The following EPC2 variants were observed in gnomAD, a reference collection of about 807,000 sequenced individuals.
The protein encoded by EPC2 is enhancer of polycomb 2.
A neutral mutation model predicts 92.1 loss-of-function variants in EPC2; 14 were observed. The ratio of observed to expected loss-of-function variants is 0.15; its 90% confidence interval spans 0.10 to 0.24. The LOEUF is 0.24. Ranked by LOEUF, EPC2 falls within the 10% of genes least tolerant of loss-of-function variation. EPC2 has a pLI of 1.00. For missense variants in EPC2, 755 were observed against 971.5 expected (o/e 0.78, Z 2.96); for synonymous variants, 340 against 334.7 (o/e 1.02, Z -0.17).
chr2:148,721,890 C>CTTTTT lies in EPC2; in HGVS notation c.314-21719_314-21715dup. Among the ~76,000 whole-genome samples, 238 of 60,746 alleles carry CTTTTT rather than the reference C, an allele frequency of 3.9e-3. 14 individuals are homozygous for CTTTTT. The highest frequency in any genetic ancestry group is 0.039 in the East Asian group (56 of 1,440). 39.9% of individuals were successfully genotyped at this position (60,746 alleles called of 152,430 possible). A position where few individuals can be genotyped will look rare whatever the true frequency, so the allele number is the denominator to read the frequency against. On this transcript the variant is annotated intron_variant, in intron 2 of 13. Coordinates refer to ENST00000258484, the MANE Select transcript of EPC2 (RefSeq NM_015630.4). ...TTTGTTTCTTTTTCTGTTTTGATTT[C>CTTTTT]TTTTTTTTTTTTTTTTTCAGAATTC...
At chr2:148,732,744 C>A (rs1682662360) in intron 2 of EPC2, among the ~76,000 whole-genome samples, 3 of 151,944 alleles carry the variant, frequency 2.0e-5, no homozygotes, top group South Asian at 2.1e-4. Context: ...CTTATGTGGT[C>A]ATCTAAAATA....
intron 2 of EPC2, among the ~76,000 whole-genome samples, chr2:148,699,103 G>T (rs575232986): frequency 3.9e-4 from 60 of 152,160 alleles, no homozygotes; most frequent in African/African-American, 1.4e-3. Context: ...CTAGTAATTT[G>T]AATTAGTGAA....
intron 1 of EPC2, among the ~76,000 whole-genome samples, chr2:148,655,378 G>A (rs1001859832): frequency 5.3e-5 from 8 of 152,060 alleles, no homozygotes; most frequent in African/African-American, 9.7e-5. Context: ...ATAAAATAAG[G>A]TCAGATAAAT....
intron 8 of EPC2, 26 bp from the exon 9 acceptor site, chr2:148,770,766 G>A (rs773402152): frequency 6.3e-7 from 1 of 1,583,354 alleles, no homozygotes; most frequent in South Asian, 1.2e-5. Flanking sequence ...TGAGTTTTTT[G>A]TTTTTTGTTT....
rs115716706 is a variant in EPC2 at position 148,690,373 on chromosome 2, C to T, written c.313C>T (p.Pro105Ser). The change falls in exon 2 of 14, where the codon CCT becomes TCT. Residue 105 changes from proline (P) to serine (S), a missense_variant and splice_region_variant. This residue lies in a region of EPC2 where 509 missense variants were observed against 607.7 expected (regional missense o/e 0.84). Coordinates refer to ENST00000258484, the MANE Select transcript of EPC2 (RefSeq NM_015630.4). ...KQPKQFIHIQ[P>S]FNLDNEQPDY... ...GCCAAAACAGTTCATTCATATTCAG[C>T]GTAAGTTTGTTAATTCATTGTTTTC... 19 of 1,570,448 alleles carry T rather than the reference C, an allele frequency of 1.2e-5. No homozygotes were observed. Among genetic ancestry groups the T allele is most frequent in the South Asian group, 7.2e-5 (6 of 83,758 alleles).
intron 2 of EPC2, among the ~76,000 whole-genome samples, chr2:148,719,226 G>C (rs1473083709): frequency 1.3e-5 from 2 of 152,056 alleles, no homozygotes; most frequent in African/African-American, 4.8e-5. Flanking sequence ...ACCACCTTCT[G>C]AAGTCTACTT....
chr2:148,760,029 G>A (rs1683271930), intron 4 of EPC2, among the ~76,000 whole-genome samples: 1 of 152,132 alleles, frequency 6.6e-6, no homozygotes, highest in Admixed American at 6.6e-5. Context: ...GATCATTTGA[G>A]GTCAGGAGTT....
At chr2:148,718,558 A>G (rs1471148891) in intron 2 of EPC2, among the ~76,000 whole-genome samples, 1 of 152,162 alleles carries the variant, frequency 6.6e-6, no homozygotes, top group Non-Finnish European at 1.5e-5. Context: ...AATGTTGAAT[A>G]TTGACCCGCA....
intron 4 of EPC2, among the ~76,000 whole-genome samples, chr2:148,755,878 C>T (rs974259494): frequency 6.6e-6 from 1 of 152,202 alleles, no homozygotes; most frequent in Admixed American, 6.5e-5. Context: ...AGGTGTGAGC[C>T]ACCACATCCA....
chr2:148,697,100 C>G (rs1681762815), intron 2 of EPC2, among the ~76,000 whole-genome samples: 1 of 152,142 alleles, frequency 6.6e-6, no homozygotes, highest in Non-Finnish European at 1.5e-5. Flanking sequence ...CCATTTTAAA[C>G]CTAAGATTAA....
chr2:148,739,686 C>G (rs956851380), intron 2 of EPC2, among the ~76,000 whole-genome samples: 1 of 152,136 alleles, frequency 6.6e-6, no homozygotes, highest in African/African-American at 2.4e-5. Context: ...CCAAATTTTC[C>G]TGAGCAGTGG....
intron 10 of EPC2, among the ~76,000 whole-genome samples, chr2:148,775,655 A>ATT (rs1553450995): frequency 1.4e-5 from 2 of 144,726 alleles, no homozygotes; most frequent in African/African-American, 2.6e-5. Context: ...AAATCTTTAA[A>ATT]TAAAATTAAA....
At chr2:148,748,904 T>C (rs570582505) in intron 3 of EPC2, among the ~76,000 whole-genome samples, 16 of 152,130 alleles carry the variant, frequency 1.1e-4, no homozygotes, top group Non-Finnish European at 2.1e-4. Flanking sequence ...CTTATTTTTA[T>C]TATTTTTCAG....
At chr2:148,711,268 AT>A (rs1192924186) in intron 2 of EPC2, among the ~76,000 whole-genome samples, 6 of 151,680 alleles carry the variant, frequency 4.0e-5, no homozygotes, top group African/African-American at 4.8e-5. Context: ...TTGGTGTTAA[AT>A]TTTCATTTTC....
At position 148,764,987 on chromosome 2, in the gene EPC2, T is replaced by C. The variant is rs1683380676; in HGVS notation, c.981T>C (p.Ala327=). The change falls in exon 7 of 14, where the codon GCT becomes GCC. Residue 327 remains alanine, a synonymous_variant. Transcript: ENST00000258484. ...ATCATTTGTCTTTGAAAGAAGAGGC[T>C]TCTGATGTGGTTCGTCAAAAGAAGA... ...HPHHLSLKEE[A]SDVVRQKKKY... 6.3e-7 allele frequency: 1 copy of C among 1,598,500 alleles called. No individual in the cohort carries two copies.
At chr2:148,747,838 T>G (rs1683014052) in intron 3 of EPC2, among the ~76,000 whole-genome samples, 1 of 152,142 alleles carries the variant, frequency 6.6e-6, no homozygotes, top group East Asian at 1.9e-4. Flanking sequence ...AGTAGTTTTT[T>G]GCTGGTTCCC....
chr2:148,681,954 G>A (rs1681405772), intron 1 of EPC2, among the ~76,000 whole-genome samples: 1 of 152,040 alleles, frequency 6.6e-6, no homozygotes, highest in Admixed American at 6.5e-5. Flanking sequence ...TCCCACCTAT[G>A]AGTGAGAACA....
chr2:148,756,479 A>G (rs559929176), intron 4 of EPC2, among the ~76,000 whole-genome samples: 1 of 152,352 alleles, frequency 6.6e-6, no homozygotes, highest in Middle Eastern at 3.4e-3. Context: ...TGTTTGTGCA[A>G]AGTCAAAAAC....
At chr2:148,645,875 G>A (rs1019592331) in intron 1 of EPC2, among the ~76,000 whole-genome samples, 1 of 152,254 alleles carries the variant, frequency 6.6e-6, no homozygotes, top group Non-Finnish European at 1.5e-5. Context: ...GAGGAGCCGG[G>A]GATGCCCGGA....
Sources: allele counts gnomAD v4.1 joint callset (sites outside exome capture counted in the v4.1 genomes callset), GRCh38; gene constraint gnomAD v4.1.1; regional missense constraint gnomAD v4.1.1; transcripts MANE v1.5; gene names NCBI Gene and HGNC (gene_info 2026-07-23, HGNC 2026-07-21).